Variants in CAST observed in about 807,000 individuals in gnomAD.
CAST encodes the protein MIR583 host.
In CAST, 76 loss-of-function variants were observed where a neutral mutation model predicts 119.6. That is an observed-to-expected ratio of 0.64 (90% confidence interval 0.53 to 0.77). The LOEUF (loss-of-function observed/expected upper bound fraction) is 0.77. CAST is among the 30% of genes least tolerant of loss of function. The probability of loss-of-function intolerance (pLI) is 0.00; values close to 1 mark genes in which losing one functional copy is unlikely to be tolerated. For synonymous variants in CAST, 319 were observed against 331.6 expected (o/e 0.96, Z 0.41); for missense variants, 953 against 946.5 (o/e 1.01, Z -0.09).
the CAST span, among the ~76,000 whole-genome samples, chr5:96,437,910 G>T: frequency 6.6e-6 from 1 of 152,102 alleles, no homozygotes; most frequent in Non-Finnish European, 1.5e-5. Context: ...TCCTTATAAT[G>T]ATATTATAAA....
intron 1 of CAST, among the ~76,000 whole-genome samples, chr5:96,654,030 T>TTC (rs1325381967): frequency 1.5e-5 from 2 of 132,554 alleles, no homozygotes; most frequent in African/African-American, 5.1e-5. Flanking sequence ...TTCTTTTCTT[T>TTC]TTTTTTTTTT....
the CAST span, among the ~76,000 whole-genome samples, chr5:96,477,065 A>C: frequency 7.3e-6 from 1 of 136,618 alleles, no homozygotes; most frequent in Non-Finnish European, 1.6e-5. Context: ...AATGTGCCAA[A>C]ACACACACAC....
chr5:96,158,660 A>G, the CAST span, among the ~76,000 whole-genome samples: 1 of 152,170 alleles, frequency 6.6e-6, no homozygotes, highest in Non-Finnish European at 1.5e-5. Flanking sequence ...AACATATTTG[A>G]CACTTTATTT....
At chr5:96,628,166 TC>T (rs1220167425) in intron 1 of CAST, among the ~76,000 whole-genome samples, 1 of 152,250 alleles carries the variant, frequency 6.6e-6, no homozygotes, top group African/African-American at 2.4e-5. Flanking sequence ...CACAAAGGCC[TC>T]TTTTGTAATG....
chr5:96,537,157 T>C (rs925577973), intron 1 of CAST, among the ~76,000 whole-genome samples: 3 of 152,260 alleles, frequency 2.0e-5, no homozygotes, highest in Non-Finnish European at 4.4e-5. Flanking sequence ...GTTGGCTTCA[T>C]GCCAGACTGA....
the CAST span, among the ~76,000 whole-genome samples, chr5:96,353,310 T>C: frequency 6.6e-6 from 1 of 152,212 alleles, no homozygotes; most frequent in Non-Finnish European, 1.5e-5. Flanking sequence ...GACTTGTGTA[T>C]ATAATTTGCC....
chr5:96,593,891 G>T (rs991903027), intron 1 of CAST, among the ~76,000 whole-genome samples: 4 of 152,306 alleles, frequency 2.6e-5, no homozygotes, highest in Middle Eastern at 3.4e-3. Context: ...GATTTCTGTT[G>T]TTTTTAAGCC....
chr5:96,162,232 G>A, the CAST span, among the ~76,000 whole-genome samples: 2 of 152,184 alleles, frequency 1.3e-5, no homozygotes, highest in African/African-American at 4.8e-5. Context: ...CATAAATTAT[G>A]ATATTAGCTA....
chr5:96,097,920 T>C, the CAST span, among the ~76,000 whole-genome samples: 3 of 152,210 alleles, frequency 2.0e-5, no homozygotes, highest in African/African-American at 7.2e-5. Context: ...TCTTCCATAA[T>C]GGTTGAACTA....
chr5:96,725,926 CTTTG>C (rs1463967186), intron 4 of CAST, among the ~76,000 whole-genome samples: 1 of 152,142 alleles, frequency 6.6e-6, no homozygotes, highest in African/African-American at 2.4e-5. Context: ...CAATCATAAG[CTTTG>C]TTTCCTTCCC....
At chr5:96,129,230 C>G in the CAST span, among the ~76,000 whole-genome samples, 3 of 152,108 alleles carry the variant, frequency 2.0e-5, no homozygotes, top group African/African-American at 7.2e-5. Context: ...TCCCCCAAGA[C>G]AGTTTTATAT....
At chr5:95,973,173 G>T in the CAST span, 1 of 180,212 alleles carries the variant, frequency 5.5e-6, no homozygotes, top group Non-Finnish European at 1.2e-5. Flanking sequence ...GAACCAATGT[G>T]CCATGTATGA....
At chr5:96,321,647 C>G in the CAST span, among the ~76,000 whole-genome samples, 8 of 152,270 alleles carry the variant, frequency 5.3e-5, no homozygotes, top group Admixed American at 4.6e-4. Context: ...GGTAAGAAAA[C>G]TGAGTCCCAA....
chr5:96,726,603 A>G (rs1409784703), intron 4 of CAST, among the ~76,000 whole-genome samples, 191 bp from the exon 5 acceptor site: 1 of 152,236 alleles, frequency 6.6e-6, no homozygotes, highest in Non-Finnish European at 1.5e-5. Flanking sequence ...AAATGTAAAC[A>G]CAAACTGAAA....
chr5:96,593,547 C>T (rs866024053), intron 1 of CAST, among the ~76,000 whole-genome samples: 2 of 152,136 alleles, frequency 1.3e-5, no homozygotes, highest in South Asian at 2.1e-4. Context: ...ATGAGGTATG[C>T]ACATGAACAG....
the CAST span, among the ~76,000 whole-genome samples, chr5:96,092,183 C>G: frequency 6.6e-6 from 1 of 152,178 alleles, no homozygotes; most frequent in African/African-American, 2.4e-5. Flanking sequence ...TTAGAAAACT[C>G]TCCTGCATAT....
the CAST span, among the ~76,000 whole-genome samples, chr5:96,485,566 G>A: frequency 6.6e-6 from 1 of 152,172 alleles, no homozygotes; most frequent in Admixed American, 6.6e-5. Flanking sequence ...ATAGAAGGGA[G>A]AGAAGAGACA....
the CAST span, among the ~76,000 whole-genome samples, chr5:96,184,122 A>G: frequency 6.6e-6 from 1 of 152,224 alleles, no homozygotes; most frequent in Non-Finnish European, 1.5e-5. Flanking sequence ...CAGGATAGGT[A>G]CAGCCCAGAC....
the CAST span, among the ~76,000 whole-genome samples, chr5:96,425,074 A>G: frequency 1.3e-5 from 2 of 148,192 alleles, no homozygotes; most frequent in Admixed American, 1.3e-4. Flanking sequence ...GAAAGAAAGA[A>G]AACGTAGGGT....
Sources: gnomAD v4.1 joint callset for allele counts (sites outside exome capture counted in the v4.1 genomes callset) on GRCh38, gnomAD v4.1.1 for gene constraint, MANE v1.5 for transcripts, NCBI Gene and HGNC (gene_info 2026-07-23, HGNC 2026-07-21) for gene names.